Variants in FSTL4 observed in about 807,000 individuals in gnomAD.
FSTL4 encodes the protein follistatin like 4.
In FSTL4, 28 loss-of-function variants were observed where a neutral mutation model predicts 78.2. That is an observed-to-expected ratio of 0.36 (90% CI 0.27 to 0.49). FSTL4 has a LOEUF of 0.49. FSTL4 is among the 20% of genes least tolerant of loss of function. The probability of loss-of-function intolerance (pLI) is 0.98; values close to 1 mark genes in which losing one functional copy is unlikely to be tolerated. For missense variants in FSTL4, 922 were observed against 1,084.9 expected, an observed-to-expected ratio of 0.85 and a Z score of 2.11; for synonymous variants, 422 against 440.5, an observed-to-expected ratio of 0.96 and a Z score of 0.53.
the FSTL4 span, among the ~76,000 whole-genome samples, chr5:133,734,030 T>C: frequency 6.6e-6 from 1 of 152,234 alleles, no homozygotes; most frequent in South Asian, 2.1e-4. Flanking sequence ...GAGCACAAAG[T>C]GTAAAGCCAA....
rs143391569 is a variant in FSTL4 at position 133,403,969 on chromosome 5, C to T, written c.161-2983G>A. Among the ~76,000 whole-genome samples the T allele has an allele frequency of 3.9e-3, 598 of 152,330 alleles. 4 individuals are homozygous for T. The highest frequency in any genetic ancestry group is 6.6e-3 in the Non-Finnish European group (447 of 68,012). On this transcript the variant is annotated intron_variant, in intron 3 of 15. Coordinates refer to ENST00000265342, the MANE Select transcript of FSTL4 (RefSeq NM_015082.2). ...TTGCTGGGGAGGCTCCCATGGCCTT[C>T]CCTGCAGGCTGCACTCTGAGGGGTC...
At chr5:133,560,799 T>C (rs1359118191) in intron 3 of FSTL4, among the ~76,000 whole-genome samples, 1 of 151,710 alleles carries the variant, frequency 6.6e-6, no homozygotes, top group Non-Finnish European at 1.5e-5. Flanking sequence ...TTTAAGATAA[T>C]TCTTCGGCCA....
chr5:133,419,106 A>T (rs1756640373), intron 3 of FSTL4, among the ~76,000 whole-genome samples: 1 of 152,134 alleles, frequency 6.6e-6, no homozygotes, highest in African/African-American at 2.4e-5. Context: ...GCCATGTGTC[A>T]ATAGTTCATT....
At chr5:133,592,617 T>C (rs73788170) in intron 2 of FSTL4, among the ~76,000 whole-genome samples, 3,090 of 152,194 alleles carry the variant, frequency 0.02, 120 homozygotes, top group African/African-American at 0.071. Context: ...AATGGAGGTG[T>C]CTGAGTCATG....
rs141014662 is a variant in FSTL4 at position 133,451,682 on chromosome 5, C to T, written c.161-50696G>A. Among the ~76,000 whole-genome samples the T allele has an allele frequency of 5.2e-4, 79 of 152,270 alleles. 1 individual carries two copies. Among genetic ancestry groups the T allele is most frequent in the African/African-American group, 1.9e-3 (77 of 41,548 alleles). On this transcript the variant is annotated intron_variant, in intron 3 of 15. Transcript: ENST00000265342. ...TCTGTACTTGGGCTAAGCCAGGGTC[C>T]GTGGAACACTTTGCTGGGTACAGAG...
chr5:133,576,740 T>C (rs1760290423), intron 2 of FSTL4, among the ~76,000 whole-genome samples: 1 of 152,204 alleles, frequency 6.6e-6, no homozygotes, highest in South Asian at 2.1e-4. Flanking sequence ...ACGTGTCCAA[T>C]TTATGAACCA....
intron 3 of FSTL4, among the ~76,000 whole-genome samples, chr5:133,457,442 G>A (rs560973899): frequency 3.9e-5 from 6 of 152,280 alleles, no homozygotes; most frequent in South Asian, 4.1e-4. Flanking sequence ...CCCTTTCCCC[G>A]CACAAACAAA....
intron 3 of FSTL4, among the ~76,000 whole-genome samples, chr5:133,413,287 C>T (rs1040831907): frequency 6.7e-6 from 1 of 149,672 alleles, no homozygotes; most frequent in African/African-American, 2.4e-5. Flanking sequence ...TCTAAAATGT[C>T]TATTTTATCC....
At chr5:133,622,426 G>A in the FSTL4 span, among the ~76,000 whole-genome samples, 2 of 152,094 alleles carry the variant, frequency 1.3e-5, no homozygotes, top group Admixed American at 1.3e-4. Context: ...TTGTATGATA[G>A]TTACATGTTT....
the FSTL4 span, among the ~76,000 whole-genome samples, chr5:133,758,680 G>A: frequency 6.6e-6 from 1 of 152,188 alleles, no homozygotes; most frequent in East Asian, 1.9e-4. Context: ...ATCTATTGCA[G>A]CGTAACAGAT....
rs1240260911 is a variant in FSTL4 at position 133,220,730 on chromosome 5, C to A, written c.1458+18G>T. 2 of 1,258,656 alleles carry A rather than the reference C, an allele frequency of 1.6e-6. No individual in the cohort carries two copies. Among genetic ancestry groups the A allele is most frequent in the Non-Finnish European group, 2.3e-6 (2 of 855,106 alleles). 78.0% of individuals were successfully genotyped at this position (1,258,656 alleles called of 1,614,324 possible). ...GCCTGTGTATGATGTAGAAGCTGCCCCAGGCACAGTTACTTACATAGCTCA... is the reference window on the plus strand; with the variant it reads ...GCCTGTGTATGATGTAGAAGCTGCCACAGGCACAGTTACTTACATAGCTCA... On this transcript the variant is annotated intron_variant, in intron 12 of 15. Coordinates refer to ENST00000265342, the MANE Select transcript of FSTL4 (RefSeq NM_015082.2).
At chr5:133,321,202 T>A (rs945555535) in intron 4 of FSTL4, among the ~76,000 whole-genome samples, 7 of 152,168 alleles carry the variant, frequency 4.6e-5, no homozygotes, top group Non-Finnish European at 1.0e-4. Flanking sequence ...GGCATGCTCC[T>A]GCCCAGGGGC....
the FSTL4 span, among the ~76,000 whole-genome samples, chr5:133,685,760 C>A: frequency 6.6e-6 from 1 of 152,220 alleles, no homozygotes; most frequent in Non-Finnish European, 1.5e-5. Context: ...TGGCAGGAGG[C>A]AGGCAGGCCC....
the FSTL4 span, among the ~76,000 whole-genome samples, chr5:133,709,759 T>C: frequency 4.7e-3 from 716 of 152,350 alleles, 14 homozygotes; most frequent in African/African-American, 0.017. Context: ...TTTCCAGACG[T>C]AGCATAAGGC....
chr5:133,526,073 G>A (rs1182227716), intron 3 of FSTL4, among the ~76,000 whole-genome samples: 3 of 152,248 alleles, frequency 2.0e-5, no homozygotes, highest in Non-Finnish European at 2.9e-5. Context: ...AGGAAAGCAC[G>A]ACTTTAACAG....
At chr5:133,610,556 C>T (rs1177928786) in intron 1 of FSTL4, among the ~76,000 whole-genome samples, 1 of 152,210 alleles carries the variant, frequency 6.6e-6, no homozygotes, top group Non-Finnish European at 1.5e-5. Context: ...GAAGCAGACA[C>T]GTGCCCTGTA....
chr5:133,283,944 C>T (rs1417148758), intron 6 of FSTL4, among the ~76,000 whole-genome samples: 1 of 152,128 alleles, frequency 6.6e-6, no homozygotes, highest in East Asian at 1.9e-4. Context: ...AGAGCAAAGG[C>T]GGAAGTGCTA....
the FSTL4 span, among the ~76,000 whole-genome samples, chr5:133,626,130 CATATATATATATTCCAT>C: frequency 1.2e-4 from 1 of 8,598 alleles, no homozygotes; most frequent in Non-Finnish European, 2.1e-4. Flanking sequence ...ATATATATTC[CATATATATATATTCCAT>C]ATATATATAT....
At chr5:133,365,683 T>C (rs751046308) in intron 4 of FSTL4, among the ~76,000 whole-genome samples, 2 of 152,262 alleles carry the variant, frequency 1.3e-5, no homozygotes, top group Non-Finnish European at 1.5e-5. Context: ...CTGTGATTTG[T>C]AGGTTGGAGA....
Sources: gnomAD v4.1 joint callset for allele counts (sites outside exome capture counted in the v4.1 genomes callset) on GRCh38, gnomAD v4.1.1 for gene constraint, MANE v1.5 for transcripts, NCBI Gene and HGNC (gene_info 2026-07-23, HGNC 2026-07-21) for gene names.